Variants in ABI3BP observed in about 807,000 individuals in gnomAD.
ABI3BP encodes target of Nesh-SH3.
Under a neutral mutation model 268.6 loss-of-function variants are expected in ABI3BP, and 216 were observed. The ratio of observed to expected loss-of-function variants is 0.80; its 90% CI spans 0.72 to 0.90. The LOEUF (loss-of-function observed/expected upper bound fraction) is 0.90. Among genes scored for constraint, ABI3BP ranks in the 40% least tolerant of loss-of-function variants. ABI3BP has a pLI of 0.00. For synonymous variants in ABI3BP, 730 were observed against 730.0 expected, an observed-to-expected ratio of 1.00 and a Z score of 0.00; for missense variants, 2,090 against 2,182.4, an observed-to-expected ratio of 0.96 and a Z score of 0.84.
At chr3:100,776,098 A>C (rs1405485945) in intron 59 of ABI3BP, among the ~76,000 whole-genome samples, 1 of 152,196 alleles carries the variant, frequency 6.6e-6, no homozygotes, top group African/African-American at 2.4e-5. Context: ...TAAAACACTT[A>C]TAAGTCCCTA....
chr3:100,984,149 A>T (rs959250596), intron 1 of ABI3BP, among the ~76,000 whole-genome samples: 2 of 151,968 alleles, frequency 1.3e-5, no homozygotes, highest in Non-Finnish European at 2.9e-5. Flanking sequence ...AGGAGTTAAA[A>T]AAAAAAAAAT....
chr3:100,796,326 A>G, intron 52 of ABI3BP, 83 bp downstream of exon 52: 1 of 1,121,222 alleles, frequency 8.9e-7, no homozygotes, highest in Non-Finnish European at 1.2e-6. Flanking sequence ...CCATATCACA[A>G]CCATTAAAAA....
At chr3:100,863,179 A>T (rs2099015794) in intron 12 of ABI3BP, 1 of 372,796 alleles carries the variant, frequency 2.7e-6, no homozygotes, top group South Asian at 4.4e-5. Flanking sequence ...TTCTTCAGCT[A>T]TGTTTATGTG....
At chr3:100,859,076 C>G (rs562995456) in intron 14 of ABI3BP, among the ~76,000 whole-genome samples, 1 of 152,266 alleles carries the variant, frequency 6.6e-6, no homozygotes, top group South Asian at 2.1e-4. Flanking sequence ...CAAACTCTTA[C>G]AATAAGTCTT....
At chr3:100,976,838 C>T (rs6774218) in intron 1 of ABI3BP, among the ~76,000 whole-genome samples, 17,444 of 152,106 alleles carry the variant, frequency 0.11, 1,270 homozygotes, top group Middle Eastern at 0.19. Flanking sequence ...GGGCACAGGT[C>T]GACTCTTCTA....
chr3:100,980,358 G>C (rs1268300251), intron 1 of ABI3BP, among the ~76,000 whole-genome samples: 1 of 152,068 alleles, frequency 6.6e-6, no homozygotes, highest in Non-Finnish European at 1.5e-5. Context: ...AGCCTCCCTT[G>C]GTTTTTATTT....
intron 1 of ABI3BP, among the ~76,000 whole-genome samples, chr3:100,983,199 G>C (rs1319990922): frequency 6.6e-6 from 1 of 152,162 alleles, no homozygotes; most frequent in Non-Finnish European, 1.5e-5. Flanking sequence ...GTCTTAGCAA[G>C]GTTTCATTCA....
At chr3:100,818,103 A>G (rs1303617059) in intron 41 of ABI3BP, among the ~76,000 whole-genome samples, 1 of 152,216 alleles carries the variant, frequency 6.6e-6, no homozygotes, top group Non-Finnish European at 1.5e-5. Context: ...ATTTACTAAA[A>G]ACATCATTCC....
At chr3:100,799,597 A>G (rs2152307790) in intron 51 of ABI3BP, among the ~76,000 whole-genome samples, 1 of 152,222 alleles carries the variant, frequency 6.6e-6, no homozygotes, top group East Asian at 1.9e-4. Context: ...TCTCATTGCC[A>G]CTGCAATGCC....
chr3:100,821,175 T>A, intron 38 of ABI3BP, 62 bp from the exon 39 acceptor site: 1 of 1,427,120 alleles, frequency 7.0e-7, no homozygotes, highest in Non-Finnish European at 9.5e-7. Flanking sequence ...CTCAAAACTT[T>A]TCTTCAAAAA....
chr3:100,916,152 C>T (rs2058554809), intron 2 of ABI3BP, among the ~76,000 whole-genome samples: 1 of 152,166 alleles, frequency 6.6e-6, no homozygotes, highest in African/African-American at 2.4e-5. Context: ...CTCGCACACA[C>T]ACATTTTTCC....
intron 38 of ABI3BP, among the ~76,000 whole-genome samples, chr3:100,822,097 G>A (rs2098249266): frequency 6.6e-6 from 1 of 152,032 alleles, no homozygotes; most frequent in African/African-American, 2.4e-5. Context: ...CTTGTTGATA[G>A]CACTCCAAAA....
chr3:100,832,998 C>A, intron 30 of ABI3BP, 127 bp downstream of exon 30: 1 of 786,822 alleles, frequency 1.3e-6, no homozygotes. Flanking sequence ...GCAAGCTTTC[C>A]ATATTTTGAG....
chr3:100,837,014 T>G, intron 27 of ABI3BP, 110 bp downstream of exon 27: 1 of 1,125,784 alleles, frequency 8.9e-7, no homozygotes, highest in Non-Finnish European at 1.2e-6. Context: ...TTTTTAAAAA[T>G]GAAAACAAAA....
At chr3:100,846,784 A>T (rs779527910) in intron 19 of ABI3BP, among the ~76,000 whole-genome samples, 13 of 152,152 alleles carry the variant, frequency 8.5e-5, no homozygotes, top group Non-Finnish European at 1.3e-4. Context: ...CCCTTACTTC[A>T]TATTTCTCAA....
intron 58 of ABI3BP, among the ~76,000 whole-genome samples, chr3:100,779,134 A>G (rs2096794239): frequency 6.6e-6 from 1 of 152,180 alleles, no homozygotes; most frequent in African/African-American, 2.4e-5. Context: ...TCTCAGCTCT[A>G]TTATGTAATT....
chr3:100,810,287 G>A, intron 49 of ABI3BP, 125 bp downstream of exon 49: 1 of 732,592 alleles, frequency 1.4e-6, no homozygotes. Context: ...CATCAGACAG[G>A]TAGGATTACC....
chr3:100,907,375 T>A (rs1181322418), intron 2 of ABI3BP, among the ~76,000 whole-genome samples: 1 of 152,064 alleles, frequency 6.6e-6, no homozygotes, highest in Non-Finnish European at 1.5e-5. Flanking sequence ...GCACCTGTAG[T>A]CCCAGCTACT....
At chr3:100,832,719 AACTT>A (rs1229241347) in intron 30 of ABI3BP, among the ~76,000 whole-genome samples, 1 of 152,170 alleles carries the variant, frequency 6.6e-6, no homozygotes, top group Middle Eastern at 3.2e-3. Context: ...TCCACTTGGT[AACTT>A]ACTAGACTAA....
Sources: allele counts gnomAD v4.1 joint callset (sites outside exome capture counted in the v4.1 genomes callset), GRCh38; gene constraint gnomAD v4.1.1; transcripts MANE v1.5; gene names NCBI Gene and HGNC (gene_info 2026-07-23, HGNC 2026-07-21).